The following FGF12 variants were observed in gnomAD, a reference collection of about 807,000 sequenced individuals.
FGF12 encodes the protein fibroblast growth factor 12B.
FGF12 carries 14 observed loss-of-function variants against 23.6 expected under a neutral mutation model. The observed-to-expected ratio is 0.59, with a 90% CI of 0.39 to 0.93. The LOEUF (loss-of-function observed/expected upper bound fraction) is 0.93. Among genes scored for constraint, FGF12 ranks in the 40% least tolerant of loss-of-function variants. FGF12 has a pLI of 0.00. For missense variants in FGF12, 175 were observed against 217.8 expected (o/e 0.80, Z 1.24); for synonymous variants, 62 against 77.3 (o/e 0.80, Z 1.04).
chr3:192,607,846 T>TTA (rs1387207806), intron 2 of FGF12, among the ~76,000 whole-genome samples: 3 of 122,080 alleles, frequency 2.5e-5, no homozygotes, highest in African/African-American at 9.6e-5. Flanking sequence ...CACTGAAAAT[T>TTA]AAAAAAAAAA....
At chr3:192,158,330 TTC>T (rs1385652019) in intron 5 of FGF12, among the ~76,000 whole-genome samples, 20 of 79,680 alleles carry the variant, frequency 2.5e-4, no homozygotes, top group East Asian at 2.2e-3. Context: ...CTTTCTTTCT[TTC>T]TCTTTCTTTC....
intron 2 of FGF12, among the ~76,000 whole-genome samples, chr3:192,445,851 T>C (rs1722338216): frequency 6.6e-6 from 1 of 152,164 alleles, no homozygotes; most frequent in South Asian, 2.1e-4. Context: ...CTGCCACCAG[T>C]AGAACAGAGT....
chr3:192,695,273 C>T (rs1207189056), intron 2 of FGF12, among the ~76,000 whole-genome samples: 1 of 152,184 alleles, frequency 6.6e-6, no homozygotes, highest in Non-Finnish European at 1.5e-5. Flanking sequence ...GTTCCTTTCA[C>T]CTTGCCCATG....
chr3:192,296,147 C>A (rs1219770359), intron 4 of FGF12, among the ~76,000 whole-genome samples: 1 of 138,592 alleles, frequency 7.2e-6, no homozygotes, highest in Non-Finnish European at 1.5e-5. Flanking sequence ...CTCAACCAAT[C>A]TACCTGACTC....
intron 2 of FGF12, among the ~76,000 whole-genome samples, chr3:192,461,802 A>AAC (rs998718551): frequency 6.6e-6 from 1 of 152,146 alleles, no homozygotes; most frequent in African/African-American, 2.4e-5. Flanking sequence ...CAGTCTGGCC[A>AAC]ACATGTTGAA....
intron 5 of FGF12, among the ~76,000 whole-genome samples, chr3:192,161,499 C>A (rs1386296635): frequency 1.1e-5 from 1 of 88,348 alleles, no homozygotes; most frequent in African/African-American, 4.1e-5. Context: ...AATGACAACG[C>A]CTATTTACAC....
intron 2 of FGF12, among the ~76,000 whole-genome samples, chr3:192,684,451 A>G (rs1385967211): frequency 6.6e-6 from 1 of 152,168 alleles, no homozygotes; most frequent in African/African-American, 2.4e-5. Context: ...AAAAAGGTCA[A>G]GCAGCTGCCC....
At chr3:192,492,992 T>C (rs1182257269) in intron 2 of FGF12, among the ~76,000 whole-genome samples, 3 of 150,850 alleles carry the variant, frequency 2.0e-5, no homozygotes, top group African/African-American at 7.3e-5. Flanking sequence ...AGACAGGGTT[T>C]CACCATGTTG....
intron 4 of FGF12, among the ~76,000 whole-genome samples, chr3:192,224,500 A>G (rs1718630738): frequency 6.6e-6 from 1 of 152,084 alleles, no homozygotes; most frequent in Non-Finnish European, 1.5e-5. Context: ...TTATTATAGA[A>G]AAATCTGTTC....
chr3:192,535,315 A>G (rs1725198989), intron 2 of FGF12, among the ~76,000 whole-genome samples: 1 of 152,238 alleles, frequency 6.6e-6, no homozygotes, highest in African/African-American at 2.4e-5. Context: ...ATCCATAGGG[A>G]AAAAATTCTA....
In FGF12 at chr3:192,408,377, G is replaced by T; in HGVS notation, c.14-47839C>A. ...GAGGCTGCAGTATCGAAAACCCGGCGCTCACAAGGTTAGTCAAAGTCTGGG... is the reference window on the plus strand; with the variant it reads ...GAGGCTGCAGTATCGAAAACCCGGCTCTCACAAGGTTAGTCAAAGTCTGGG... On this transcript the variant is annotated intron_variant, in intron 2 of 5. Transcript: ENST00000445105. This position sits in a 1 kb window ranked among gnomAD's most constrained non-coding sequence, Gnocchi z 7.3. 2 of 1,419,216 alleles carry T rather than the reference G, an allele frequency of 1.4e-6. No homozygotes were observed. Among genetic ancestry groups the T allele is most frequent in the Non-Finnish European group, 1.8e-6 (2 of 1,090,736 alleles). The allele number at this position is 1,419,216 out of a possible 1,614,324, so 87.9% of individuals were successfully genotyped here. A position where few individuals can be genotyped will look rare whatever the true frequency, so the allele number is the denominator to read the frequency against.
At position 192,215,431 on chromosome 3, in the gene FGF12, CA is replaced by C. The variant is rs1718143608; in HGVS notation, c.229-44776del. Reference sequence around the variant, plus strand: ...ACTATAATTGATGGACCTCACATGGCAATTATTCATTGGAGCAATGGTGCTT... The same window carrying C: ...ACTATAATTGATGGACCTCACATGGCATTATTCATTGGAGCAATGGTGCTT... On this transcript the variant is annotated intron_variant, in intron 4 of 5. Transcript: ENST00000445105. Among the ~76,000 whole-genome samples, 4 of 152,116 alleles carry C rather than the reference CA, an allele frequency of 2.6e-5. No homozygotes were observed. In the South Asian group the frequency reaches 8.3e-4, roughly 32 times the overall value.
chr3:192,555,972 A>G (rs1481752744), intron 2 of FGF12, among the ~76,000 whole-genome samples: 1 of 152,152 alleles, frequency 6.6e-6, no homozygotes, highest in Non-Finnish European at 1.5e-5. Flanking sequence ...TGTCTAATGT[A>G]AGCCCTTTGG....
At chr3:192,703,077 A>G (rs1395605856) in intron 2 of FGF12, among the ~76,000 whole-genome samples, 1 of 152,204 alleles carries the variant, frequency 6.6e-6, no homozygotes, top group Non-Finnish European at 1.5e-5. Context: ...AGCATTTTAA[A>G]TATGCTGTTT....
At chr3:192,480,202 C>G (rs1723442605) in intron 2 of FGF12, among the ~76,000 whole-genome samples, 1 of 152,100 alleles carries the variant, frequency 6.6e-6, no homozygotes, top group Non-Finnish European at 1.5e-5. Flanking sequence ...ATTATAGAGA[C>G]AGAATAAAGA....
In FGF12 at chr3:192,675,330, A is replaced by T. The variant is rs548122012; in HGVS notation, c.13+51851T>A. On this transcript the variant is annotated intron_variant, in intron 2 of 5. Coordinates refer to ENST00000445105, the MANE Select transcript of FGF12 (RefSeq NM_004113.6). ...AAAAAAAAGTCCTACTTTTTTTTTC[A>T]AGTGAGGCTAAGAAAACAAAATTTA... is the stretch of plus-strand genomic sequence containing the variant. 1.2e-3 allele frequency among the ~76,000 whole-genome samples: 176 copies of T among 151,704 alleles called. 1 individual carries two copies. Among genetic ancestry groups the T allele is most frequent in the African/African-American group, 4.1e-3 (169 of 41,396 alleles).
At chr3:192,491,542 G>C (rs1041716256) in intron 2 of FGF12, among the ~76,000 whole-genome samples, 3 of 152,084 alleles carry the variant, frequency 2.0e-5, no homozygotes, top group Admixed American at 1.3e-4. Flanking sequence ...ACCACCTTTA[G>C]CTGTGGAAAC....
chr3:192,659,539 G>A (rs186500292), intron 2 of FGF12, among the ~76,000 whole-genome samples: 183 of 152,150 alleles, frequency 1.2e-3, no homozygotes, highest in African/African-American at 4.2e-3. Flanking sequence ...AATACAATAA[G>A]GAAATGGTTA....
intron 5 of FGF12, among the ~76,000 whole-genome samples, chr3:192,160,490 T>G (rs1484722716): frequency 1.3e-5 from 2 of 152,198 alleles, no homozygotes. Context: ...AGATTACTGT[T>G]CAAACATCAT....
Sources: gnomAD v4.1 joint callset for allele counts (sites outside exome capture counted in the v4.1 genomes callset) on GRCh38, gnomAD v4.1.1 for gene constraint, Gnocchi (gnomAD v3.1) non-coding constraint, MANE v1.5 for transcripts, NCBI Gene and HGNC (gene_info 2026-07-23, HGNC 2026-07-21) for gene names.